The following CEP85L variants were observed in gnomAD, a reference collection of about 807,000 sequenced individuals.
The protein encoded by CEP85L is centrosomal protein 85L, also known as centrosomal protein of 85 kDa-like.
CEP85L carries 60 observed loss-of-function variants against 100.3 expected under a neutral mutation model. The observed-to-expected ratio is 0.60, with a 90% confidence interval of 0.49 to 0.74. The LOEUF (loss-of-function observed/expected upper bound fraction) is 0.74. CEP85L is among the 30% of genes least tolerant of loss of function. The pLI is 0.00. For synonymous variants in CEP85L, 319 were observed against 322.7 expected (o/e 0.99, Z 0.12); for missense variants, 973 against 936.2 (o/e 1.04, Z -0.51).
intron 1 of CEP85L, among the ~76,000 whole-genome samples, chr6:118,649,171 T>G (rs559588847): frequency 1.3e-5 from 2 of 152,204 alleles, no homozygotes; most frequent in East Asian, 1.9e-4. Flanking sequence ...TATTTATATT[T>G]GCTCAAAAAG....
intron 2 of CEP85L, among the ~76,000 whole-genome samples, chr6:118,569,988 G>C (rs1044785526): frequency 6.6e-5 from 10 of 152,116 alleles, no homozygotes; most frequent in Non-Finnish European, 1.3e-4. Flanking sequence ...TATAGTCTTT[G>C]AAAGAAGGGA....
At chr6:118,586,096 A>C (rs559056521) in intron 2 of CEP85L, among the ~76,000 whole-genome samples, 2 of 152,300 alleles carry the variant, frequency 1.3e-5, no homozygotes, top group South Asian at 4.1e-4. Context: ...TAGGCATAGA[A>C]TATCATCTCC....
chr6:118,626,938 G>T (rs575406744), intron 2 of CEP85L, among the ~76,000 whole-genome samples: 1 of 152,296 alleles, frequency 6.6e-6, no homozygotes, highest in South Asian at 2.1e-4. Flanking sequence ...AGTGGCTCAT[G>T]CCTGTAATCC....
At chr6:118,518,823 A>AAT (rs1268499580) in intron 4 of CEP85L, among the ~76,000 whole-genome samples, 2 of 152,160 alleles carry the variant, frequency 1.3e-5, no homozygotes, top group African/African-American at 4.8e-5. Flanking sequence ...TTGCGATGTT[A>AAT]GAGTGTCAAT....
chr6:118,670,662 A>C (rs1432050151), intron 1 of CEP85L, among the ~76,000 whole-genome samples: 1 of 152,196 alleles, frequency 6.6e-6, no homozygotes, highest in Admixed American at 6.5e-5. Context: ...AACTGACCAA[A>C]ACCTTGAACA....
At chr6:118,529,900 T>C (rs1777195705) in intron 3 of CEP85L, among the ~76,000 whole-genome samples, 1 of 152,180 alleles carries the variant, frequency 6.6e-6, no homozygotes, top group Admixed American at 6.5e-5. Flanking sequence ...GTTAATGTTT[T>C]CTTTTGTTTT....
intron 3 of CEP85L, among the ~76,000 whole-genome samples, chr6:118,541,505 A>C (rs1777901818): frequency 6.6e-6 from 1 of 152,122 alleles, no homozygotes; most frequent in South Asian, 2.1e-4. Flanking sequence ...ATCAAAATCT[A>C]TTTTCATAAC....
intron 5 of CEP85L, among the ~76,000 whole-genome samples, chr6:118,496,769 G>C (rs2114638137): frequency 6.6e-6 from 1 of 152,302 alleles, no homozygotes; most frequent in African/African-American, 2.4e-5. Context: ...CAGTGACACA[G>C]AATGGCTCAC....
chr6:118,498,477 A>G (rs1465693848), intron 5 of CEP85L, among the ~76,000 whole-genome samples: 2 of 152,152 alleles, frequency 1.3e-5, no homozygotes, highest in Non-Finnish European at 2.9e-5. Flanking sequence ...GCAGTTGGAG[A>G]TTTTAACAAC....
At chr6:118,505,735 C>A (rs1173170098) in intron 5 of CEP85L, among the ~76,000 whole-genome samples, 1 of 152,072 alleles carries the variant, frequency 6.6e-6, no homozygotes, top group Non-Finnish European at 1.5e-5. Context: ...TGCTAGGGGT[C>A]CAATGGGTTG....
At chr6:118,471,914 A>G (rs1447561989) in intron 10 of CEP85L, among the ~76,000 whole-genome samples, 4 of 151,926 alleles carry the variant, frequency 2.6e-5, no homozygotes, top group Non-Finnish European at 5.9e-5. Context: ...CTGAAGATCT[A>G]TCCTTTCTGG....
intron 3 of CEP85L, among the ~76,000 whole-genome samples, chr6:118,532,351 C>T (rs11753128): frequency 0.46 from 69,956 of 151,612 alleles, 16,616 homozygotes; most frequent in Middle Eastern, 0.57. Flanking sequence ...CCAGGGCCTA[C>T]TTGATGAGGG....
chr6:118,594,075 C>T (rs772776362), intron 2 of CEP85L, among the ~76,000 whole-genome samples: 5 of 152,250 alleles, frequency 3.3e-5, no homozygotes, highest in East Asian at 3.9e-4. Flanking sequence ...CCTATCGTAA[C>T]GCTCCTAACT....
intron 5 of CEP85L, chr6:118,501,818 G>C (rs1218974647): frequency 1.1e-5 from 14 of 1,264,856 alleles, no homozygotes; most frequent in African/African-American, 8.9e-5. Context: ...CTGAGAGAGA[G>C]AGAGAGAGAG....
chr6:118,596,892 G>T (rs934112524), intron 2 of CEP85L, among the ~76,000 whole-genome samples: 2 of 152,112 alleles, frequency 1.3e-5, no homozygotes, highest in African/African-American at 2.4e-5. Context: ...TGGTTTGGCT[G>T]TGTCCCCACC....
chr6:118,502,077 T>C, intron 5 of CEP85L: 2 of 891,296 alleles, frequency 2.2e-6, no homozygotes, highest in Non-Finnish European at 3.6e-6. Context: ...TGGATCCCAT[T>C]GTAGGAGAGC....
intron 1 of CEP85L, among the ~76,000 whole-genome samples, chr6:118,707,976 G>C (rs922671490): frequency 6.7e-6 from 1 of 150,220 alleles, no homozygotes; most frequent in Non-Finnish European, 1.5e-5. Flanking sequence ...TTTTTGGGGG[G>C]GGGACGGGGG....
Position 118,562,073 on chromosome 6 carries a change from A to G in CEP85L, c.1020+3456T>C, listed in dbSNP as rs1358340070. 1.3e-5 allele frequency among the ~76,000 whole-genome samples: 2 copies of G among 152,200 alleles called. 1 individual carries two copies. The highest frequency in any genetic ancestry group is 2.9e-5 in the Non-Finnish European group (2 of 68,024). Reference sequence around the variant, plus strand: ...AAAAGTGAAACACATTACTAATTTTATTCATTAAAACAGGTATATAAAAGT... The same window carrying G: ...AAAAGTGAAACACATTACTAATTTTGTTCATTAAAACAGGTATATAAAAGT... On this transcript the variant is annotated intron_variant, in intron 3 of 12. Transcript: ENST00000368491.
intron 1 of CEP85L, among the ~76,000 whole-genome samples, chr6:118,640,580 A>G (rs1361286330): frequency 1.3e-5 from 2 of 152,178 alleles, no homozygotes; most frequent in African/African-American, 4.8e-5. Context: ...GATGGAGTGC[A>G]GTAGTGCAGT....
Sources: gnomAD v4.1 joint callset for allele counts (sites outside exome capture counted in the v4.1 genomes callset) on GRCh38, gnomAD v4.1.1 for gene constraint, MANE v1.5 for transcripts, NCBI Gene and HGNC (gene_info 2026-07-23, HGNC 2026-07-21) for gene names.